UNC119B: variants seen among roughly 807,000 people sequenced by gnomAD.
UNC119B encodes the protein unc-119 lipid binding chaperone B.
UNC119B carries 16 observed loss-of-function variants against 23.4 expected under a neutral mutation model. The ratio of observed to expected loss-of-function variants is 0.68; its 90% CI spans 0.46 to 1.04. The LOEUF (loss-of-function observed/expected upper bound fraction) is 1.04, where lower values mean the gene tolerates loss of function less well. Among genes scored for constraint, UNC119B ranks in the 50% least tolerant of loss-of-function variants. The probability of loss-of-function intolerance (pLI) is 0.00; values close to 1 mark genes in which losing one functional copy is unlikely to be tolerated. For missense variants in UNC119B, 350 were observed against 361.3 expected (o/e 0.97, Z 0.25); for synonymous variants, 144 against 145.4 (o/e 0.99, Z 0.07).
intron 4 of UNC119B, among the ~76,000 whole-genome samples, chr12:120,719,010 A>T (rs976661808): frequency 6.6e-6 from 1 of 152,244 alleles, no homozygotes; most frequent in Non-Finnish European, 1.5e-5. Flanking sequence ...CATGAAGCCA[A>T]ATCAGCCTGG....
In UNC119B at chr12:120,713,316, T is replaced by G. The variant is rs1392469968; in HGVS notation, c.287T>G (p.Phe96Cys). 6.2e-7 allele frequency: 1 copy of G among 1,614,174 alleles called. No homozygotes were observed. The highest frequency in any genetic ancestry group is 8.5e-7 in the Non-Finnish European group (1 of 1,179,972). ...KPEDNIYSID[F>C]TRFKIRDLET... Reference sequence around the variant, plus strand: ...GAAGACAACATCTACAGTATTGATTTCACCCGCTTCAAAATTCGAGATTTG... The same window carrying G: ...GAAGACAACATCTACAGTATTGATTGCACCCGCTTCAAAATTCGAGATTTG... The change falls in exon 2 of 5, where the codon TTC (phenylalanine) becomes TGC (cysteine). Residue 96 changes from phenylalanine (F) to cysteine (C), a missense_variant. By Grantham distance (205) the Phe-to-Cys change is radical. Coordinates refer to ENST00000344651, the MANE Select transcript of UNC119B (RefSeq NM_001080533.3).
intron 4 of UNC119B, 53 bp from the exon 5 acceptor site, chr12:120,719,867 C>T (rs1882852387): frequency 8.3e-6 from 11 of 1,324,342 alleles, no homozygotes; most frequent in Non-Finnish European, 1.1e-5. Context: ...CCCTGTGGGG[C>T]AGACTCAAAC....
At position 120,713,399 on chromosome 12, in the gene UNC119B, C is replaced by T. The variant is rs192304848; in HGVS notation, c.358+12C>T. The T allele has an allele frequency of 8.6e-5, 137 of 1,592,630 alleles. No individual in the cohort carries two copies. The highest frequency in any genetic ancestry group is 8.5e-4 in the South Asian group (77 of 90,406). On this transcript the variant is annotated intron_variant, in intron 2 of 4. Transcript: ENST00000344651. ...ACCTTGCGTTTCAGGTAGGCCTCTA[C>T]GTTGTGGTGACCACTAGACAGTTTT... is the stretch of plus-strand genomic sequence containing the variant.
intron 4 of UNC119B, among the ~76,000 whole-genome samples, chr12:120,718,614 G>C (rs916902651): frequency 6.6e-6 from 1 of 152,138 alleles, no homozygotes; most frequent in African/African-American, 2.4e-5. Context: ...GGGACCAAAC[G>C]AGAGAGAAAG....
At chr12:120,711,984 T>G (rs768941880) in intron 1 of UNC119B, among the ~76,000 whole-genome samples, 2 of 152,238 alleles carry the variant, frequency 1.3e-5, no homozygotes, top group South Asian at 4.1e-4. Flanking sequence ...TGAAAAAGCT[T>G]CTTTTCTTCT....
chr12:120,713,469 C>A, intron 2 of UNC119B, 82 bp downstream of exon 2: 1 of 1,067,722 alleles, frequency 9.4e-7, no homozygotes, highest in Non-Finnish European at 1.4e-6. Context: ...GCCACTGCAT[C>A]CTGTTTCTTG....
chr12:120,712,852 G>A (rs1395690616), intron 1 of UNC119B, among the ~76,000 whole-genome samples: 1 of 152,130 alleles, frequency 6.6e-6, no homozygotes, highest in African/African-American at 2.4e-5. Flanking sequence ...TGCTGATCTC[G>A]GCTTTCTTAC....
At position 120,710,535 on chromosome 12, in the gene UNC119B, G is replaced by A. The variant is rs1270898145; in HGVS notation, c.61G>A (p.Val21Met). The A allele has an allele frequency of 2.2e-6, 3 of 1,379,808 alleles. No individual in the cohort carries two copies. The highest frequency in any genetic ancestry group is 7.1e-5 in the Admixed American group (2 of 28,346). The allele number at this position is 1,379,808 out of a possible 1,614,324, so 85.5% of individuals were successfully genotyped here. The part of the protein sequence containing the change: ...AASAAGPGGL[V>M]AGKEEKKKAG... ...GTCGGCGGCTGGGCCCGGGGGGCTGGTGGCTGGCAAGGAGGAGAAGAAGAA... is the reference window on the plus strand; with the variant it reads ...GTCGGCGGCTGGGCCCGGGGGGCTGATGGCTGGCAAGGAGGAGAAGAAGAA... Residue 21 changes from valine to methionine, a missense_variant, in exon 1 of 5, where the codon GTG (valine) becomes ATG (methionine). Physicochemically the swap from Val to Met is conservative, Grantham distance 21. Transcript: ENST00000344651.
In UNC119B at chr12:120,719,924, T is replaced by C. The variant is rs1228703960; in HGVS notation, c.648T>C (p.Arg216=). 6.2e-6 allele frequency: 10 copies of C among 1,613,124 alleles called. No individual in the cohort carries two copies. The African/African-American group carries it at 9.3e-5, about 15-fold the overall frequency. The part of the protein sequence containing the change: ...EFPQLSEDVI[R]LMIENPYETR... ...CCCCCTTTGCCTGACTTGCAGTTCG[T>C]CTAATGATTGAAAATCCTTACGAGA... The change falls in exon 5 of 5, where the codon CGT becomes CGC. Residue 216 remains arginine (R), a synonymous_variant. Coordinates refer to ENST00000344651, the MANE Select transcript of UNC119B (RefSeq NM_001080533.3).
At position 120,720,434 on chromosome 12, in the gene UNC119B, G is replaced by C. The variant is rs1882871158; in HGVS notation, c.*402G>C. 1 of 165,196 alleles carries C rather than the reference G, an allele frequency of 6.1e-6. No homozygotes were observed. The highest frequency in any genetic ancestry group is 1.7e-4 in the South Asian group (1 of 5,922). 10.2% of individuals were successfully genotyped at this position (165,196 alleles called of 1,614,324 possible). The stretch of plus-strand genomic sequence containing the variant: ...GCAGCTCTTAAGGTTCCTGGGTGCT[G>C]TGGGAAGCTGAAAGGTAGGCCTCTT... On this transcript the variant is annotated 3_prime_UTR_variant, in exon 5 of 5. Transcript: ENST00000344651.
rs778535660 is a variant in UNC119B, at chr12:120,716,922, C to T, written c.523C>T (p.Arg175Trp). ...KPVSNFRMIE[R>W]HYFREHLLKN... ...TGTTTCAAACTTCCGGATGATCGAA[C>T]GGCACTATTTCCGGGAACACTTGCT... is the stretch of plus-strand genomic sequence containing the variant. The change falls in exon 4 of 5, where the codon CGG becomes TGG. Residue 175 changes from arginine (R) to tryptophan (W), a missense_variant. Transcript: ENST00000344651. 1.3e-5 allele frequency: 21 copies of T among 1,613,456 alleles called. No individual in the cohort carries two copies. In the African/African-American group the frequency reaches 1.3e-4, roughly 10 times the overall value.
At chr12:120,712,418 G>T (rs973443008) in intron 1 of UNC119B, among the ~76,000 whole-genome samples, 1 of 152,212 alleles carries the variant, frequency 6.6e-6, no homozygotes, top group Non-Finnish European at 1.5e-5. Flanking sequence ...CTGTGGAGAA[G>T]ATGCTATCCG....
At chr12:120,714,205 G>A (rs1338006769) in intron 2 of UNC119B, among the ~76,000 whole-genome samples, 1 of 152,152 alleles carries the variant, frequency 6.6e-6, no homozygotes, top group Non-Finnish European at 1.5e-5. Context: ...ATTTGATAAG[G>A]CCCCGATTTC....
chr12:120,720,222 T>C lies in UNC119B; in HGVS notation c.*190T>C. On this transcript the variant is annotated 3_prime_UTR_variant, in exon 5 of 5. Transcript: ENST00000344651. ...CTGTGTTTTCTTCCCCAGTATTTTT[T>C]CTTCCCTTTTTTTCCTGCCCCGTAG... 1.7e-6 allele frequency: 1 copy of C among 577,064 alleles called. No homozygotes were observed. Among genetic ancestry groups the C allele is most frequent in the South Asian group, 2.2e-5 (1 of 45,952 alleles). 35.7% of individuals were successfully genotyped at this position (577,064 alleles called of 1,614,324 possible).
chr12:120,717,957 T>C (rs1297909051), intron 4 of UNC119B, among the ~76,000 whole-genome samples: 3 of 151,446 alleles, frequency 2.0e-5, no homozygotes, highest in Non-Finnish European at 4.4e-5. Flanking sequence ...CTGCAAGCTC[T>C]GCCTCCTGGG....
At position 120,713,380 on chromosome 12, in the gene UNC119B, C is replaced by T. The variant is rs556935156; in HGVS notation, c.351C>T (p.Cys117=). The T allele has an allele frequency of 1.1e-5, 18 of 1,613,010 alleles. No homozygotes were observed. The highest frequency in any genetic ancestry group is 6.7e-5 in the East Asian group (3 of 44,886). Residue 117 remains cysteine (C), a synonymous_variant, in exon 2 of 5, where the codon TGC becomes TGT. Transcript: ENST00000344651. The part of the protein sequence containing the change: ...GTVLFEIAKP[C]VSDQEEDEEE... ...TACTTTTTGAGATTGCCAAACCTTGCGTTTCAGGTAGGCCTCTACGTTGTG... is the reference window on the plus strand; with the variant it reads ...TACTTTTTGAGATTGCCAAACCTTGTGTTTCAGGTAGGCCTCTACGTTGTG...
chr12:120,717,642 A>C (rs1163594052), intron 4 of UNC119B, among the ~76,000 whole-genome samples: 2 of 150,290 alleles, frequency 1.3e-5, no homozygotes, highest in African/African-American at 2.5e-5. Context: ...GGCTCAGTGC[A>C]TCCTCCGTCT....
intron 1 of UNC119B, chr12:120,711,461 G>A (rs1019503033): frequency 1.8e-4 from 27 of 152,246 alleles, no homozygotes; most frequent in Middle Eastern, 3.4e-3. Context: ...AAGCTTTTTC[G>A]TTGATAGGAG....
chr12:120,719,407 T>G (rs957027109), intron 4 of UNC119B, among the ~76,000 whole-genome samples: 1 of 152,182 alleles, frequency 6.6e-6, no homozygotes, highest in African/African-American at 2.4e-5. Flanking sequence ...CGGAGAAGGC[T>G]CCCTGCCCTG....
Sources: allele counts gnomAD v4.1 joint callset (sites outside exome capture counted in the v4.1 genomes callset), GRCh38; gene constraint gnomAD v4.1.1; transcripts MANE v1.5; gene names NCBI Gene and HGNC (gene_info 2026-07-23, HGNC 2026-07-21).